The following TRAPPC9 variants were observed in gnomAD, a reference collection of about 807,000 sequenced individuals.
TRAPPC9 encodes the protein IKK2 binding protein.
In TRAPPC9, 83 loss-of-function variants were observed where a neutral mutation model predicts 124.0. The observed-to-expected ratio is 0.67, with a 90% CI of 0.56 to 0.80. TRAPPC9 has a LOEUF of 0.80. Ranked by LOEUF, TRAPPC9 falls within the 30% of genes least tolerant of loss-of-function variation. The pLI is 0.00. For synonymous variants in TRAPPC9, 638 were observed against 617.5 expected (o/e 1.03, Z -0.49); for missense variants, 1,302 against 1,508.3 (o/e 0.86, Z 2.27).
intron 8 of TRAPPC9, among the ~76,000 whole-genome samples, chr8:140,367,215 C>A (rs1371373655): frequency 2.0e-5 from 3 of 152,100 alleles, no homozygotes; most frequent in African/African-American, 7.2e-5. Context: ...GAACCATGCC[C>A]CTTGATATTT....
intron 15 of TRAPPC9, among the ~76,000 whole-genome samples, chr8:140,273,747 C>T (rs180974042): frequency 6.6e-6 from 1 of 152,204 alleles, no homozygotes; most frequent in South Asian, 2.1e-4. Flanking sequence ...CTCCCAGAGT[C>T]CCACTTCCGC....
chr8:140,319,733 G>T (rs1397570036), intron 9 of TRAPPC9, among the ~76,000 whole-genome samples: 4 of 152,198 alleles, frequency 2.6e-5, no homozygotes, highest in Admixed American at 6.5e-5. Flanking sequence ...CTCCCAAAGT[G>T]CTGGGATTAC....
chr8:139,905,160 G>C (rs1039355426), intron 20 of TRAPPC9, among the ~76,000 whole-genome samples: 4 of 152,108 alleles, frequency 2.6e-5, no homozygotes, highest in African/African-American at 9.7e-5. Context: ...GCATGTACTA[G>C]GAAGAGATGC....
chr8:140,294,264 C>T (rs1334737132), intron 11 of TRAPPC9, among the ~76,000 whole-genome samples: 2 of 152,072 alleles, frequency 1.3e-5, no homozygotes, highest in Non-Finnish European at 2.9e-5. Context: ...TGGGAGGGAG[C>T]TCACCCGACC....
chr8:140,414,471 C>T (rs1254213714), intron 5 of TRAPPC9, among the ~76,000 whole-genome samples: 3 of 152,088 alleles, frequency 2.0e-5, no homozygotes, highest in Non-Finnish European at 2.9e-5. Context: ...GAGGTTGAGG[C>T]TGCAATGAGC....
intron 16 of TRAPPC9, among the ~76,000 whole-genome samples, chr8:140,250,756 A>G (rs1483222656): frequency 6.6e-6 from 1 of 152,142 alleles, no homozygotes; most frequent in Non-Finnish European, 1.5e-5. Context: ...AACCAGCCAG[A>G]GCTTCTATTA....
intron 17 of TRAPPC9, among the ~76,000 whole-genome samples, chr8:140,126,624 A>G (rs1016864839): frequency 1.3e-5 from 2 of 152,244 alleles, no homozygotes; most frequent in Non-Finnish European, 2.9e-5. Flanking sequence ...TTCTAATTTG[A>G]ATTACAGCAC....
chr8:140,407,809 A>G lies in TRAPPC9; in HGVS notation c.887-2111T>C, dbSNP rs139652640. ...ACTAATTTTTGTATTTTTAGTAGAGATGGGGTTTCACCATGTTAGCCAAGC... is the reference window on the plus strand; with the variant it reads ...ACTAATTTTTGTATTTTTAGTAGAGGTGGGGTTTCACCATGTTAGCCAAGC... On this transcript the variant is annotated intron_variant, in intron 5 of 22. Coordinates refer to ENST00000438773, the MANE Select transcript of TRAPPC9 (RefSeq NM_001160372.4). Among the ~76,000 whole-genome samples the G allele has an allele frequency of 3.9e-4, 59 of 152,232 alleles. 1 individual carries two copies. Among genetic ancestry groups the G allele is most frequent in the African/African-American group, 1.4e-3 (59 of 41,542 alleles).
chr8:140,234,737 C>T (rs891954069), intron 16 of TRAPPC9, among the ~76,000 whole-genome samples: 7 of 152,158 alleles, frequency 4.6e-5, no homozygotes, highest in African/African-American at 1.7e-4. Context: ...TCTATAATTC[C>T]TGCTCTCTAT....
At chr8:139,769,889 G>A (rs1390922151) in intron 21 of TRAPPC9, among the ~76,000 whole-genome samples, 1 of 152,222 alleles carries the variant, frequency 6.6e-6, no homozygotes, top group East Asian at 1.9e-4. Context: ...TCTAGGATCT[G>A]GTGCCTGCCG....
In TRAPPC9 at chr8:139,932,351, G is replaced by A. The variant is rs376183412; in HGVS notation, c.2811-22051C>T. The A allele has an allele frequency of 1.4e-3, 660 of 457,930 alleles. 3 individuals are homozygous for A. Among genetic ancestry groups the A allele is most frequent in the African/African-American group, 0.011 (569 of 50,216 alleles). The allele number at this position is 457,930 out of a possible 1,614,324, so 28.4% of individuals were successfully genotyped here. ...ACAGGTCCTTGGCCACGGGACCTGA[G>A]CAGAGTGACATATGCCACACTGGAT... On this transcript the variant is annotated intron_variant, in intron 19 of 22. Coordinates refer to ENST00000438773, the MANE Select transcript of TRAPPC9 (RefSeq NM_001160372.4).
At chr8:140,103,596 T>A (rs2060616648) in intron 17 of TRAPPC9, among the ~76,000 whole-genome samples, 1 of 152,224 alleles carries the variant, frequency 6.6e-6, no homozygotes, top group Non-Finnish European at 1.5e-5. Context: ...GTGCTGCTGT[T>A]GAAAAGTCCT....
Position 139,825,857 on chromosome 8 carries a change from C to T in TRAPPC9, c.3055+60022G>A, listed in dbSNP as rs1825587714. ...CAAGGATTTCCAGGGCTTCCTCACC[C>T]ATGGGTTCCTGAATCAGAATATTTC... On this transcript the variant is annotated intron_variant, in intron 21 of 22. Coordinates refer to ENST00000438773, the MANE Select transcript of TRAPPC9 (RefSeq NM_001160372.4). The surrounding 1 kb of genome is among the most constrained non-coding windows in gnomAD (Gnocchi z 4.6). 6.6e-6 allele frequency among the ~76,000 whole-genome samples: 1 copy of T among 152,120 alleles called. No individual in the cohort carries two copies. The highest frequency in any genetic ancestry group is 2.4e-5 in the African/African-American group (1 of 41,424).
intron 21 of TRAPPC9, among the ~76,000 whole-genome samples, chr8:139,824,659 C>T (rs1825497116): frequency 6.6e-6 from 1 of 152,164 alleles, no homozygotes; most frequent in Admixed American, 6.5e-5. Context: ...CTCCCAGGTT[C>T]AAGCGACTCT....
chr8:140,323,215 C>T (rs1010790617), intron 9 of TRAPPC9, among the ~76,000 whole-genome samples: 1 of 152,216 alleles, frequency 6.6e-6, no homozygotes, highest in Non-Finnish European at 1.5e-5. Flanking sequence ...GAGGGTGGTA[C>T]ACCTGGAGAG....
intron 17 of TRAPPC9, among the ~76,000 whole-genome samples, chr8:140,045,755 G>GT (rs1240908821): frequency 7.9e-5 from 12 of 151,134 alleles, no homozygotes; most frequent in Admixed American, 6.6e-4. Flanking sequence ...GAAACCCACA[G>GT]TGTCCAAGGA....
At chr8:140,089,688 A>G (rs926100922) in intron 17 of TRAPPC9, among the ~76,000 whole-genome samples, 1 of 152,112 alleles carries the variant, frequency 6.6e-6, no homozygotes, top group African/African-American at 2.4e-5. Context: ...TCTTTATCAC[A>G]GATTCCCAGA....
chr8:140,446,478 G>C (rs2071263775), intron 2 of TRAPPC9, among the ~76,000 whole-genome samples: 1 of 152,168 alleles, frequency 6.6e-6, no homozygotes, highest in Non-Finnish European at 1.5e-5. Flanking sequence ...AAGTGAACTA[G>C]AAGGCCGTAT....
chr8:140,404,703 C>A (rs111608489), intron 6 of TRAPPC9, among the ~76,000 whole-genome samples: 1 of 151,480 alleles, frequency 6.6e-6, no homozygotes, highest in Non-Finnish European at 1.5e-5. Flanking sequence ...TGCATGTGTG[C>A]GCACATGTGA....
Sources: allele counts gnomAD v4.1 joint callset (sites outside exome capture counted in the v4.1 genomes callset), GRCh38; gene constraint gnomAD v4.1.1; non-coding constraint Gnocchi (gnomAD v3.1); transcripts MANE v1.5; gene names NCBI Gene and HGNC (gene_info 2026-07-23, HGNC 2026-07-21).